PRDM2: variants seen among roughly 807,000 people sequenced by gnomAD.
PRDM2 encodes PR domain zinc finger protein 2.
Under a neutral mutation model 130.0 loss-of-function variants are expected in PRDM2, and 30 were observed. That is an observed-to-expected ratio of 0.23 (90% CI 0.17 to 0.31). The LOEUF (loss-of-function observed/expected upper bound fraction) is 0.31. PRDM2 is among the 10% of genes least tolerant of loss of function. The probability of loss-of-function intolerance (pLI) is 1.00; values close to 1 mark genes in which losing one functional copy is unlikely to be tolerated. For missense variants in PRDM2, 2,011 were observed against 2,108.4 expected (o/e 0.95, Z 0.90); for synonymous variants, 871 against 782.4 (o/e 1.11, Z -1.89).
chr1:13,765,358 A>G (rs1029927593), intron 6 of PRDM2, among the ~76,000 whole-genome samples: 29 of 152,152 alleles, frequency 1.9e-4, no homozygotes, highest in Non-Finnish European at 2.6e-4. Flanking sequence ...CTTCCTCTCT[A>G]TCATCAACCC....
At chr1:13,775,326 TAA>T (rs1234960218) in intron 7 of PRDM2, among the ~76,000 whole-genome samples, 1 of 152,218 alleles carries the variant, frequency 6.6e-6, no homozygotes, top group African/African-American at 2.4e-5. Flanking sequence ...TGACTGAAAA[TAA>T]AGTCTGTTAG....
chr1:13,707,767 C>G (rs1642251692), intron 1 of PRDM2, among the ~76,000 whole-genome samples: 1 of 150,724 alleles, frequency 6.6e-6, no homozygotes, highest in Non-Finnish European at 1.5e-5. Context: ...CATTTTAATT[C>G]AAGAGTCCTT....
At chr1:13,761,392 G>C (rs549621813) in intron 6 of PRDM2, among the ~76,000 whole-genome samples, 25 of 152,254 alleles carry the variant, frequency 1.6e-4, no homozygotes, top group Non-Finnish European at 3.1e-4. Flanking sequence ...ATGGACGAAA[G>C]GACAGTTTTC....
At position 13,781,206 on chromosome 1, in the gene PRDM2, C is replaced by T. The variant is rs143897771; in HGVS notation, c.3411C>T (p.Asn1137=). 22 of 1,614,062 alleles carry T rather than the reference C, an allele frequency of 1.4e-5. No individual in the cohort carries two copies. The highest frequency in any genetic ancestry group is 9.3e-5 in the African/African-American group (7 of 74,910). The change falls in exon 8 of 10, where the codon AAC becomes AAT. Residue 1137 remains asparagine, a synonymous_variant. Transcript: ENST00000311066. This position sits in a 1 kb window ranked among gnomAD's most constrained non-coding sequence, Gnocchi z 6.1. ...QETFNKNFVC[N]VCESPFLSIK... ...CATTCAACAAAAACTTTGTTTGCAACGTCTGTGAATCACCTTTTCTTTCCA... is the reference window on the plus strand; with the variant it reads ...CATTCAACAAAAACTTTGTTTGCAATGTCTGTGAATCACCTTTTCTTTCCA...
rs201290087 is a variant in PRDM2, at chr1:13,778,727, G to A, written c.932G>A (p.Arg311Gln). 2.1e-4 allele frequency: 339 copies of A among 1,614,122 alleles called. 1 individual carries two copies. The highest frequency in any genetic ancestry group is 6.9e-4 in the South Asian group (63 of 91,072). The change falls in exon 8 of 10, where the codon CGG becomes CAG. Residue 311 changes from arginine to glutamine, a missense_variant. By Grantham distance (43) the Arg-to-Gln change is conservative. Transcript: ENST00000311066. ...NENSVKEPEI[R>Q]CDEKPEDLLE... ...AATTCTGTGAAAGAGCCAGAAATACGGTGTGATGAGAAGCCAGAAGATTTA... is the reference window on the plus strand; with the variant it reads ...AATTCTGTGAAAGAGCCAGAAATACAGTGTGATGAGAAGCCAGAAGATTTA...
In PRDM2 at chr1:13,782,796, G is replaced by A. The variant is rs1462166714; in HGVS notation, c.5001G>A (p.Glu1667=). ...CTGACTTGAGTGAGAACAAGAGAGA[G>A]GACGGCAGCGCCAAGCAGGAGCTGA... The part of the protein sequence containing the change: ...AAADLSENKR[E]DGSAKQELKD... Residue 1667 remains glutamate (E), a synonymous_variant, in exon 8 of 10, where the codon GAG becomes GAA. Coordinates refer to ENST00000311066, the MANE Select transcript of PRDM2 (RefSeq NM_001393986.1). The A allele has an allele frequency of 1.2e-6, 2 of 1,608,832 alleles. No individual in the cohort carries two copies. Among genetic ancestry groups the A allele is most frequent in the Non-Finnish European group, 1.7e-6 (2 of 1,178,852 alleles).
intron 8 of PRDM2, among the ~76,000 whole-genome samples, chr1:13,802,379 G>A (rs1645022191): frequency 6.6e-6 from 1 of 152,144 alleles, no homozygotes; most frequent in African/African-American, 2.4e-5. Context: ...CTTGAGCATC[G>A]AGGCAGGAGC....
chr1:13,823,273 G>A lies in PRDM2; in HGVS notation c.*138G>A, dbSNP rs942559850. ...CGAGAGAAAGGGAGTGCATGTGCGC[G>A]CGTGCATGTGTGCGTGCGTGTGTGT... On this transcript the variant is annotated 3_prime_UTR_variant, in exon 10 of 10. Transcript: ENST00000311066. The A allele has an allele frequency of 2.3e-5, 32 of 1,418,242 alleles. No individual in the cohort carries two copies. Among genetic ancestry groups the A allele is most frequent in the South Asian group, 1.9e-4 (16 of 84,700 alleles). 87.9% of individuals were successfully genotyped at this position (1,418,242 alleles called of 1,614,324 possible).
chr1:13,785,962 C>A (rs1644728132), intron 8 of PRDM2, among the ~76,000 whole-genome samples: 1 of 151,638 alleles, frequency 6.6e-6, no homozygotes, highest in South Asian at 2.1e-4. Flanking sequence ...TCTCAGCCTC[C>A]CGAGTAGCTG....
At chr1:13,822,322 A>G (rs1313437691) in intron 9 of PRDM2, among the ~76,000 whole-genome samples, 5 of 152,076 alleles carry the variant, frequency 3.3e-5, no homozygotes, top group Admixed American at 2.0e-4. Flanking sequence ...CATGACTCAC[A>G]TGGCACCAAA....
At chr1:13,740,759 G>T (rs1557611276) in intron 4 of PRDM2, among the ~76,000 whole-genome samples, 1 of 152,180 alleles carries the variant, frequency 6.6e-6, no homozygotes, top group Non-Finnish European at 1.5e-5. Context: ...TATGCCTGAT[G>T]TTTGACTTTC....
intron 4 of PRDM2, among the ~76,000 whole-genome samples, chr1:13,734,505 G>T (rs1643208574): frequency 6.6e-6 from 1 of 151,096 alleles, no homozygotes; most frequent in South Asian, 2.1e-4. Flanking sequence ...TGATGTTGTT[G>T]GGCATATTGT....
intron 1 of PRDM2, among the ~76,000 whole-genome samples, chr1:13,709,107 A>G (rs746796232): frequency 1.5e-3 from 229 of 152,110 alleles, no homozygotes; most frequent in Non-Finnish European, 2.3e-3. Context: ...TAGTCTAACA[A>G]GTGGATACTA....
At chr1:13,814,604 C>T (rs7517980) in intron 8 of PRDM2, among the ~76,000 whole-genome samples, 3,667 of 152,298 alleles carry the variant, frequency 0.024, 146 homozygotes, top group African/African-American at 0.083. Flanking sequence ...TTTGGCAGCA[C>T]CCCTGGCCTT....
intron 2 of PRDM2, among the ~76,000 whole-genome samples, chr1:13,716,284 A>G (rs1642533210): frequency 8.1e-6 from 1 of 123,520 alleles, no homozygotes. Context: ...GGAACATCAC[A>G]CTCTGGGGAC....
chr1:13,721,115 C>T (rs1642714268), intron 2 of PRDM2, among the ~76,000 whole-genome samples: 1 of 152,154 alleles, frequency 6.6e-6, no homozygotes, highest in Admixed American at 6.5e-5. Flanking sequence ...TACATATAGT[C>T]CTTGCCCTTT....
intron 8 of PRDM2, among the ~76,000 whole-genome samples, chr1:13,795,830 C>T (rs569851974): frequency 2.0e-5 from 3 of 152,286 alleles, no homozygotes; most frequent in African/African-American, 4.8e-5. Flanking sequence ...GTCAACTTCT[C>T]CCCCTTCTAT....
At chr1:13,770,273 C>A in intron 6 of PRDM2, 1 of 463,416 alleles carries the variant, frequency 2.2e-6, no homozygotes, top group South Asian at 1.6e-5. Flanking sequence ...TTAGTATCAG[C>A]TAGGTGCTCT....
chr1:13,776,800 T>C (rs988970028), intron 7 of PRDM2, among the ~76,000 whole-genome samples: 1 of 152,136 alleles, frequency 6.6e-6, no homozygotes, highest in Non-Finnish European at 1.5e-5. Flanking sequence ...GATACCTCAC[T>C]GGCCTTTCCC....
Sources: allele counts gnomAD v4.1 joint callset (sites outside exome capture counted in the v4.1 genomes callset), GRCh38; gene constraint gnomAD v4.1.1; non-coding constraint Gnocchi (gnomAD v3.1); transcripts MANE v1.5; gene names NCBI Gene and HGNC (gene_info 2026-07-23, HGNC 2026-07-21).